The following ZNF292 variants were observed in gnomAD, a reference collection of about 807,000 sequenced individuals.
ZNF292 encodes 16 zinc-finger domain protein.
Under a neutral mutation model 217.9 loss-of-function variants are expected in ZNF292, and 26 were observed. That is an observed-to-expected ratio of 0.12 (90% CI 0.09 to 0.17). ZNF292 has a LOEUF of 0.17. ZNF292 is among the 10% of genes least tolerant of loss of function. The pLI, the probability that ZNF292 is intolerant of heterozygous loss-of-function variation, is 1.00. For missense variants in ZNF292, 2,904 were observed against 3,175.2 expected (o/e 0.91, Z 2.05); for synonymous variants, 1,257 against 1,124.1 (o/e 1.12, Z -2.37).
chr6:87,164,097 G>C (rs1380004784), intron 1 of ZNF292, among the ~76,000 whole-genome samples: 1 of 152,172 alleles, frequency 6.6e-6, no homozygotes, highest in Non-Finnish European at 1.5e-5. Flanking sequence ...CAAAAACTTA[G>C]TACCTTTAAA....
At position 87,257,879 on chromosome 6, in the gene ZNF292, G is replaced by A. The variant is rs1243301005; in HGVS notation, c.4250G>A (p.Gly1417Glu). ...EIAQELLQSN[G>E]QPSLLASMIL... The stretch of plus-strand genomic sequence containing the variant: ...GCTCAAGAACTTCTACAGAGTAATG[G>A]ACAGCCTTCTCTTCTTGCCAGCATG... The change falls in exon 8 of 8, where the codon GGA becomes GAA. Residue 1417 changes from glycine (G) to glutamate (E), a missense_variant. By Grantham distance (98) the Gly-to-Glu change is moderately conservative. Coordinates refer to ENST00000369577, the MANE Select transcript of ZNF292 (RefSeq NM_015021.3). 1 of 1,613,878 alleles carries A rather than the reference G, an allele frequency of 6.2e-7. No individual in the cohort carries two copies. The highest frequency in any genetic ancestry group is 8.5e-7 in the Non-Finnish European group (1 of 1,179,814).
Position 87,192,894 on chromosome 6 carries a change from TG to T in ZNF292, c.169-23007del, listed in dbSNP as rs376274958. On this transcript the variant is annotated intron_variant, in intron 1 of 7. Transcript: ENST00000369577. ...TACTGGTACTTTTATTTCAGTGGGC[TG>T]GATTTCCAGGGATCTTAATGGATAA... 4.8e-3 allele frequency among the ~76,000 whole-genome samples: 737 copies of T among 152,366 alleles called. 3 individuals carry two copies. Among genetic ancestry groups the T allele is most frequent in the African/African-American group, 0.016 (650 of 41,584 alleles).
chr6:87,202,601 A>G (rs554147677), intron 1 of ZNF292, among the ~76,000 whole-genome samples: 20 of 152,328 alleles, frequency 1.3e-4, no homozygotes, highest in Admixed American at 6.5e-4. Flanking sequence ...CTAACATTTC[A>G]TACTCCCAGA....
intron 4 of ZNF292, 136 bp downstream of exon 4, chr6:87,218,867 G>A: frequency 2.3e-6 from 2 of 872,134 alleles, no homozygotes; most frequent in Non-Finnish European, 3.3e-6. Flanking sequence ...AGGTGTGCTT[G>A]AGGCCCTGCG....
In ZNF292 at chr6:87,261,519, T is replaced by C. The variant is rs1775600433; in HGVS notation, c.7890T>C (p.Asn2630=). Residue 2630 remains asparagine (N), a synonymous_variant, in exon 8 of 8, where the codon AAT becomes AAC. Coordinates refer to ENST00000369577, the MANE Select transcript of ZNF292 (RefSeq NM_015021.3). ...GATCCCATTCAAATTCAAGAAAAAA[T>C]ATTGATAAGACTGCTGTGACTAGTG... ...KKGSHSNSRK[N]IDKTAVTSGN... is the part of the protein sequence containing the mutation. The C allele has an allele frequency of 6.2e-7, 1 of 1,607,624 alleles. No individual in the cohort carries two copies. Among genetic ancestry groups the C allele is most frequent in the African/African-American group, 1.3e-5 (1 of 74,754 alleles).
chr6:87,169,639 T>C, intron 1 of ZNF292: 1 of 411,186 alleles, frequency 2.4e-6, no homozygotes, highest in Non-Finnish European at 5.0e-6. Context: ...CATTAGCATT[T>C]AGTTGTTTTT....
chr6:87,215,361 T>G (rs6922457), intron 1 of ZNF292, among the ~76,000 whole-genome samples: 17,804 of 152,178 alleles, frequency 0.12, 1,171 homozygotes, highest in African/African-American at 0.17. Flanking sequence ...ATGTTGATTT[T>G]TATATGTTGA....
In ZNF292 at chr6:87,246,827, G is replaced by A. The variant is rs1774612835; in HGVS notation, c.1020+1183G>A. The stretch of plus-strand genomic sequence containing the variant: ...GCCGAGATTGCACCACTGCGCTCCA[G>A]CCTGGGTGACAAGCAAGATCCTGTC... On this transcript the variant is annotated intron_variant, in intron 7 of 7. Coordinates refer to ENST00000369577, the MANE Select transcript of ZNF292 (RefSeq NM_015021.3). Among the ~76,000 whole-genome samples, 3 of 152,170 alleles carry A rather than the reference G, an allele frequency of 2.0e-5. 1 individual carries two copies. The South Asian group carries it at 6.2e-4, about 31-fold the overall frequency.
intron 1 of ZNF292, among the ~76,000 whole-genome samples, chr6:87,189,393 A>G (rs189336658): frequency 1.3e-5 from 2 of 151,660 alleles, no homozygotes; most frequent in Non-Finnish European, 2.9e-5. Flanking sequence ...CAATATTCAT[A>G]TATTATTATT....
chr6:87,174,663 C>T (rs1416880660), intron 1 of ZNF292, among the ~76,000 whole-genome samples: 1 of 151,996 alleles, frequency 6.6e-6, no homozygotes, highest in Non-Finnish European at 1.5e-5. Context: ...AGTTTCATAC[C>T]TTTGATTTAA....
chr6:87,163,571 GGAGTGGACCTCCACCCATAAA>G (rs1229911332), intron 1 of ZNF292, among the ~76,000 whole-genome samples: 4 of 152,130 alleles, frequency 2.6e-5, no homozygotes, highest in Non-Finnish European at 5.9e-5. Context: ...GGAGAATTAT[GGAGTGGACCTCCACCCATAAA>G]GAGCTTACAA....
intron 1 of ZNF292, among the ~76,000 whole-genome samples, chr6:87,200,767 T>A (rs1004944155): frequency 6.6e-6 from 1 of 152,220 alleles, no homozygotes; most frequent in Non-Finnish European, 1.5e-5. Flanking sequence ...GATTGTGTTA[T>A]AGCATCCATA....
rs561757804 is a variant in ZNF292 at position 87,255,246 on chromosome 6, C to G, written c.1617C>G (p.Ala539=). The G allele has an allele frequency of 6.2e-7, 1 of 1,613,812 alleles. No individual in the cohort carries two copies. Among genetic ancestry groups the G allele is most frequent in the South Asian group, 1.1e-5 (1 of 91,074 alleles). Residue 539 remains alanine (A), a synonymous_variant, in exon 8 of 8, where the codon GCC becomes GCG. Coordinates refer to ENST00000369577, the MANE Select transcript of ZNF292 (RefSeq NM_015021.3). The stretch of plus-strand genomic sequence containing the variant: ...CTGCTCGGTTTAGGAATTGGCAAGC[C>G]TACATGCAGTATTGTGTGTTGTGTG... The part of the protein sequence containing the change: ...FISARFRNWQ[A]YMQYCVLCDK...
chr6:87,177,436 A>G lies in ZNF292; in HGVS notation c.168+21677A>G, dbSNP rs145414537. ...ATTTTATTCCTGTACTATTTCTTGT[A>G]TCCTTTGCTGCTTAAATTTGATATG... On this transcript the variant is annotated intron_variant, in intron 1 of 7. Transcript: ENST00000369577. 9.9e-5 allele frequency among the ~76,000 whole-genome samples: 15 copies of G among 152,070 alleles called. No homozygotes were observed. In the Middle Eastern group the frequency reaches 0.01, roughly 104 times the overall value.
intron 1 of ZNF292, among the ~76,000 whole-genome samples, chr6:87,163,595 G>A (rs2127769902): frequency 6.6e-6 from 1 of 152,290 alleles, no homozygotes; most frequent in East Asian, 1.9e-4. Context: ...CCCATAAAGA[G>A]CTTACAAAAT....
At chr6:87,198,168 A>G (rs1772009740) in intron 1 of ZNF292, among the ~76,000 whole-genome samples, 1 of 148,978 alleles carries the variant, frequency 6.7e-6, no homozygotes, top group Admixed American at 6.8e-5. Context: ...CCAAGTCACC[A>G]TTGCATGTTT....
chr6:87,204,812 C>T (rs911946039), intron 1 of ZNF292, among the ~76,000 whole-genome samples: 7 of 152,016 alleles, frequency 4.6e-5, no homozygotes, highest in African/African-American at 1.7e-4. Flanking sequence ...AGTCTCCCTG[C>T]CTCAGCCTCG....
intron 1 of ZNF292, among the ~76,000 whole-genome samples, chr6:87,203,867 A>G (rs1772166953): frequency 6.6e-6 from 1 of 152,118 alleles, no homozygotes; most frequent in South Asian, 2.1e-4. Context: ...TGAGAGCCTA[A>G]GCAGAACAGG....
intron 1 of ZNF292, among the ~76,000 whole-genome samples, chr6:87,192,953 C>G (rs1377101644): frequency 6.6e-6 from 1 of 152,128 alleles, no homozygotes. Flanking sequence ...TGTTCAATTA[C>G]TGTTATATGA....
Sources: allele counts gnomAD v4.1 joint callset (sites outside exome capture counted in the v4.1 genomes callset), GRCh38; gene constraint gnomAD v4.1.1; transcripts MANE v1.5; gene names NCBI Gene and HGNC (gene_info 2026-07-23, HGNC 2026-07-21).